NDC1: variants seen among roughly 807,000 people sequenced by gnomAD.
NDC1 encodes the protein NDC1 transmembrane nucleoporin.
NDC1 carries 24 observed loss-of-function variants against 89.8 expected under a neutral mutation model. The ratio of observed to expected loss-of-function variants is 0.27; its 90% CI spans 0.19 to 0.38. The LOEUF is 0.38. NDC1 is among the 10% of genes least tolerant of loss of function. The probability of loss-of-function intolerance (pLI) is 1.00; values close to 1 mark genes in which losing one functional copy is unlikely to be tolerated. For missense variants in NDC1, 728 were observed against 797.6 expected (o/e 0.91, Z 1.05); for synonymous variants, 296 against 284.8 (o/e 1.04, Z -0.39).
chr1:53,787,821 T>C (rs1227722742), intron 15 of NDC1, among the ~76,000 whole-genome samples: 1 of 147,770 alleles, frequency 6.8e-6, no homozygotes, highest in Admixed American at 6.7e-5. Flanking sequence ...AGGAAGAAAA[T>C]TTTAAAAATA....
chr1:53,828,536 G>C (rs1258166705), intron 3 of NDC1, among the ~76,000 whole-genome samples: 1 of 151,856 alleles, frequency 6.6e-6, no homozygotes, highest in Non-Finnish European at 1.5e-5. Context: ...TAATGGTCTT[G>C]CAGTGTGGGA....
At chr1:53,786,267 T>C (rs1481335990) in intron 16 of NDC1, among the ~76,000 whole-genome samples, 1 of 152,114 alleles carries the variant, frequency 6.6e-6, no homozygotes, top group African/African-American at 2.4e-5. Flanking sequence ...TTAGTGTTTA[T>C]AGCTGTCATG....
chr1:53,826,474 G>A (rs1046176616), intron 4 of NDC1, among the ~76,000 whole-genome samples: 1 of 152,138 alleles, frequency 6.6e-6, no homozygotes, highest in African/African-American at 2.4e-5. Flanking sequence ...CAGCTCCCAG[G>A]TGGCTATGGG....
At chr1:53,769,567 G>T (rs1647095435) in intron 17 of NDC1, among the ~76,000 whole-genome samples, 2 of 152,158 alleles carry the variant, frequency 1.3e-5, no homozygotes, top group South Asian at 4.1e-4. Context: ...AAATAGTGTT[G>T]AATGAATGTC....
chr1:53,794,826 T>G (rs1647643149), intron 13 of NDC1, among the ~76,000 whole-genome samples: 2 of 152,212 alleles, frequency 1.3e-5, no homozygotes, highest in East Asian at 1.9e-4. Context: ...AGTGTAGCCA[T>G]GATCATACCA....
In NDC1 at chr1:53,790,397, TAAAATAAAAAATA is replaced by T. The variant is rs761677997; in HGVS notation, c.1636-1214_1636-1202del. ...AAAAACCCCAAAAAACCAAAATAAA[TAAAATAAAAAATA>T]AAAATAAAAAAATTGGCTGGGCGCG... On this transcript the variant is annotated intron_variant, in intron 14 of 17. Coordinates refer to ENST00000371429, the MANE Select transcript of NDC1 (RefSeq NM_018087.5). 2.2e-3 allele frequency among the ~76,000 whole-genome samples: 286 copies of T among 130,026 alleles called. 1 individual carries two copies. The highest frequency in any genetic ancestry group is 3.0e-3 in the Non-Finnish European group (184 of 61,374). The allele number at this position is 130,026 out of a possible 152,430, so 85.3% of individuals were successfully genotyped here. A position where few individuals can be genotyped will look rare whatever the true frequency, so the allele number is the denominator to read the frequency against.
chr1:53,800,304 T>TA (rs1647861710), intron 11 of NDC1, among the ~76,000 whole-genome samples: 2 of 149,786 alleles, frequency 1.3e-5, no homozygotes, highest in Non-Finnish European at 3.0e-5. Context: ...CACACTCATA[T>TA]AAGTATCCTT....
Position 53,819,087 on chromosome 1 carries a change from G to GA in NDC1, c.595-9dup, listed in dbSNP as rs538121718. On this transcript the variant is annotated splice_polypyrimidine_tract_variant and intron_variant, in intron 5 of 17. Coordinates refer to ENST00000371429, the MANE Select transcript of NDC1 (RefSeq NM_018087.5). ...ACGCAAGAACTTGTATTGCTGTGGG[G>GA]AAAAAAAAAAGAATCAAATGACACA... is the stretch of plus-strand genomic sequence containing the variant. The GA allele has an allele frequency of 3.9e-3, 4,796 of 1,215,488 alleles. No homozygotes were observed. The highest frequency in any genetic ancestry group is 4.5e-3 in the Non-Finnish European group (3,945 of 867,232). 75.3% of individuals were successfully genotyped at this position (1,215,488 alleles called of 1,614,324 possible). A position where few individuals can be genotyped will look rare whatever the true frequency, so the allele number is the denominator to read the frequency against.
At chr1:53,795,748 C>T (rs565948195) in intron 13 of NDC1, among the ~76,000 whole-genome samples, 6 of 152,284 alleles carry the variant, frequency 3.9e-5, no homozygotes, top group South Asian at 2.1e-4. Context: ...ACCTTAACAC[C>T]GTCTCTGGGC....
chr1:53,777,918 G>T (rs1387530711), intron 16 of NDC1, among the ~76,000 whole-genome samples: 1 of 152,036 alleles, frequency 6.6e-6, no homozygotes, highest in Non-Finnish European at 1.5e-5. Context: ...ATTTCACCAT[G>T]TTGACCAGGG....
intron 6 of NDC1, among the ~76,000 whole-genome samples, chr1:53,810,097 A>G (rs1398361266): frequency 6.6e-6 from 1 of 152,248 alleles, no homozygotes; most frequent in Non-Finnish European, 1.5e-5. Flanking sequence ...ACCGATGTGC[A>G]TTATAATCTG....
intron 17 of NDC1, among the ~76,000 whole-genome samples, chr1:53,771,834 T>C (rs1647115571): frequency 6.6e-6 from 1 of 152,148 alleles, no homozygotes. Context: ...ATAAACAGGC[T>C]TGGCATTTGT....
Position 53,770,162 on chromosome 1 carries a change from G to A in NDC1, c.1962-2129C>T, listed in dbSNP as rs761329864. Among the ~76,000 whole-genome samples the A allele has an allele frequency of 9.2e-5, 14 of 151,884 alleles. No individual in the cohort carries two copies. The South Asian group carries it at 2.1e-3, about 23-fold the overall frequency. On this transcript the variant is annotated intron_variant, in intron 17 of 17. Transcript: ENST00000371429. ...TTTTCAGAGAAAAGAAACTAAGGTG[G>A]AATTTCATTCTCACAATTTTTATTT...
At chr1:53,826,345 CAA>C (rs1648862799) in intron 4 of NDC1, among the ~76,000 whole-genome samples, 1 of 152,150 alleles carries the variant, frequency 6.6e-6, no homozygotes, top group South Asian at 2.1e-4. Context: ...AAAATTGCTA[CAA>C]GAGATGCTAC....
In NDC1 at chr1:53,767,778, G is replaced by C. The variant is rs1305512353; in HGVS notation, c.*192C>G. The C allele has an allele frequency of 4.7e-6, 2 of 426,212 alleles. No individual in the cohort carries two copies. Among genetic ancestry groups the C allele is most frequent in the Non-Finnish European group, 8.4e-6 (2 of 238,574 alleles). 26.4% of individuals were successfully genotyped at this position (426,212 alleles called of 1,614,324 possible). A position where few individuals can be genotyped will look rare whatever the true frequency, so the allele number is the denominator to read the frequency against. ...CACAAAAAGCAATCGGTACAGAAAA[G>C]GCAGTTTTCAGTTATTCTGTTGAGA... On this transcript the variant is annotated 3_prime_UTR_variant, in exon 18 of 18. Coordinates refer to ENST00000371429, the MANE Select transcript of NDC1 (RefSeq NM_018087.5).
chr1:53,808,882 T>C (rs1411261609), intron 7 of NDC1, among the ~76,000 whole-genome samples: 2 of 152,232 alleles, frequency 1.3e-5, no homozygotes, highest in African/African-American at 4.8e-5. Flanking sequence ...TGTATGTCAA[T>C]ATTCCCACTC....
intron 11 of NDC1, among the ~76,000 whole-genome samples, chr1:53,800,483 C>T (rs1325732366): frequency 2.6e-5 from 4 of 151,956 alleles, no homozygotes; most frequent in East Asian, 3.9e-4. Flanking sequence ...CACGCCACCA[C>T]GCCCAGCTAA....
chr1:53,777,738 A>G (rs1310868155), intron 16 of NDC1, among the ~76,000 whole-genome samples: 1 of 152,066 alleles, frequency 6.6e-6, no homozygotes, highest in African/African-American at 2.4e-5. Context: ...TCTTTTTGAG[A>G]CAGGGTCTCA....
intron 5 of NDC1, among the ~76,000 whole-genome samples, chr1:53,820,810 A>C (rs926061271): frequency 2.8e-5 from 4 of 145,166 alleles, no homozygotes; most frequent in Non-Finnish European, 5.9e-5. Context: ...TCCCAGGTTC[A>C]AGCAATTCTT....
Sources: gnomAD v4.1 joint callset for allele counts (sites outside exome capture counted in the v4.1 genomes callset) on GRCh38, gnomAD v4.1.1 for gene constraint, MANE v1.5 for transcripts, NCBI Gene and HGNC (gene_info 2026-07-23, HGNC 2026-07-21) for gene names.